The following GALNT7 variants were observed in gnomAD, a reference collection of about 807,000 sequenced individuals.
GALNT7 encodes the protein polypeptide N-acetylgalactosaminyltransferase 7, also known as N-acetylgalactosaminyltransferase 7.
Under a neutral mutation model 82.1 loss-of-function variants are expected in GALNT7, and 60 were observed. The ratio of observed to expected loss-of-function variants is 0.73; its 90% CI spans 0.59 to 0.91. The LOEUF (loss-of-function observed/expected upper bound fraction) is 0.91, where lower values mean the gene tolerates loss of function less well. GALNT7 is among the 40% of genes least tolerant of loss of function. The pLI, the probability that GALNT7 is intolerant of heterozygous loss-of-function variation, is 0.00. For synonymous variants in GALNT7, 243 were observed against 275.1 expected (o/e 0.88, Z 1.15); for missense variants, 660 against 804.2 (o/e 0.82, Z 2.17).
intron 2 of GALNT7, among the ~76,000 whole-genome samples, chr4:173,288,301 A>AAAAAAAAAAAAAAAAAAAAG (rs1289159201): frequency 2.0e-5 from 3 of 148,364 alleles, no homozygotes; most frequent in African/African-American, 7.8e-5. Flanking sequence ...AAAAAAAAAA[A>AAAAAAAAAAAAAAAAAAAAG]AAAAGAAAAG....
intron 2 of GALNT7, among the ~76,000 whole-genome samples, chr4:173,274,508 T>G (rs1735832211): frequency 6.6e-6 from 1 of 152,198 alleles, no homozygotes; most frequent in Non-Finnish European, 1.5e-5. Flanking sequence ...GTCAAAGGAT[T>G]CATTTTTAAA....
At chr4:173,247,043 C>T (rs146294180) in intron 1 of GALNT7, among the ~76,000 whole-genome samples, 1 of 152,062 alleles carries the variant, frequency 6.6e-6, no homozygotes, top group East Asian at 1.9e-4. Context: ...TTTTAAAAAT[C>T]GAAATGCTTA....
At chr4:173,224,746 C>T (rs1019752047) in intron 1 of GALNT7, among the ~76,000 whole-genome samples, 17 of 152,140 alleles carry the variant, frequency 1.1e-4, no homozygotes, top group Middle Eastern at 3.4e-3. Context: ...GGCGCGGTGG[C>T]TCACGCCTGT....
At chr4:173,287,898 T>C (rs530729599) in intron 2 of GALNT7, among the ~76,000 whole-genome samples, 1 of 152,278 alleles carries the variant, frequency 6.6e-6, no homozygotes, top group Non-Finnish European at 1.5e-5. Context: ...AACATTGAAA[T>C]CCCAGAGAAT....
intron 2 of GALNT7, among the ~76,000 whole-genome samples, chr4:173,252,354 A>G (rs1376458524): frequency 6.6e-6 from 1 of 152,168 alleles, no homozygotes; most frequent in African/African-American, 2.4e-5. Flanking sequence ...TCTGTCTGTC[A>G]TAGAAATGAG....
intron 1 of GALNT7, among the ~76,000 whole-genome samples, chr4:173,230,849 T>C (rs1231522880): frequency 2.0e-5 from 3 of 152,210 alleles, no homozygotes; most frequent in Non-Finnish European, 2.9e-5. Flanking sequence ...TATTCTGTGA[T>C]AGTGTAATTA....
intron 2 of GALNT7, among the ~76,000 whole-genome samples, chr4:173,287,529 T>G (rs1736367887): frequency 1.3e-5 from 2 of 152,348 alleles, no homozygotes; most frequent in South Asian, 4.1e-4. Context: ...GAGGCATCCC[T>G]CAGTCTCCTT....
intron 1 of GALNT7, among the ~76,000 whole-genome samples, chr4:173,206,795 A>C (rs546223547): frequency 6.6e-6 from 1 of 152,298 alleles, no homozygotes; most frequent in South Asian, 2.1e-4. Context: ...GAGGGTCCTT[A>C]GTGCCCAGCT....
At chr4:173,206,478 G>A (rs1246224989) in intron 1 of GALNT7, among the ~76,000 whole-genome samples, 2 of 152,140 alleles carry the variant, frequency 1.3e-5, no homozygotes. Context: ...GTCTCAAATT[G>A]TCCCAGATTT....
intron 2 of GALNT7, among the ~76,000 whole-genome samples, chr4:173,276,647 A>C (rs575490941): frequency 1.3e-5 from 2 of 152,190 alleles, no homozygotes; most frequent in Admixed American, 1.3e-4. Context: ...TGAGTCAGTC[A>C]GTATAAATTT....
Position 173,279,961 on chromosome 4 carries a change from G to A in GALNT7, c.588-12147G>A, listed in dbSNP as rs770081978. On this transcript the variant is annotated intron_variant, in intron 2 of 11. Coordinates refer to ENST00000265000, the MANE Select transcript of GALNT7 (RefSeq NM_017423.3). ...CTGCACTCCAGCTGGGTGATAGAGC[G>A]AGACTCTGTCTCAATAAAAAGGAAA... Among the ~76,000 whole-genome samples the A allele has an allele frequency of 5.9e-5, 9 of 151,830 alleles. No homozygotes were observed. The South Asian group carries it at 8.3e-4, about 14-fold the overall frequency.
rs75864657 is a variant in GALNT7 at position 173,260,147 on chromosome 4, C to T, written c.587+11707C>T. 1.8e-3 allele frequency among the ~76,000 whole-genome samples: 275 copies of T among 152,220 alleles called. 2 individuals are homozygous for T. Among genetic ancestry groups the T allele is most frequent in the African/African-American group, 6.1e-3 (254 of 41,548 alleles). On this transcript the variant is annotated intron_variant, in intron 2 of 11. Transcript: ENST00000265000. ...GAATGAATTATACAAAGGTAAAGTA[C>T]GTAACAATACTATGAGTCCTTGCTC... is the stretch of plus-strand genomic sequence containing the variant.
At chr4:173,293,818 G>A (rs1736622628) in intron 3 of GALNT7, among the ~76,000 whole-genome samples, 2 of 152,302 alleles carry the variant, frequency 1.3e-5, no homozygotes, top group South Asian at 2.1e-4. Context: ...GGACCCAGGC[G>A]TGCAGAGCAG....
intron 9 of GALNT7, chr4:173,317,153 C>T (rs1737635122): frequency 6.6e-6 from 1 of 152,274 alleles, no homozygotes; most frequent in Non-Finnish European, 1.5e-5. Flanking sequence ...AGAGAAAAGC[C>T]TCACTGCCTG....
chr4:173,312,440 A>G (rs1737420781), intron 8 of GALNT7, among the ~76,000 whole-genome samples: 1 of 152,220 alleles, frequency 6.6e-6, no homozygotes, highest in African/African-American at 2.4e-5. Flanking sequence ...CAGACTCTTT[A>G]ACAAACTACT....
rs779531673 is a variant in GALNT7 at position 173,168,826 on chromosome 4, C to G, written c.-10C>G. On this transcript the variant is annotated 5_prime_UTR_variant, in exon 1 of 12. Coordinates refer to ENST00000265000, the MANE Select transcript of GALNT7 (RefSeq NM_017423.3). ...GCGCCGGGCTGTGAGTCTCTCGCCG[C>G]CGGAGGAAGATGAGGCTGAAGATTG... 1.2e-6 allele frequency: 2 copies of G among 1,612,082 alleles called. No homozygotes were observed. Among genetic ancestry groups the G allele is most frequent in the South Asian group, 1.1e-5 (1 of 90,914 alleles).
intron 1 of GALNT7, among the ~76,000 whole-genome samples, chr4:173,213,483 A>G (rs917718518): frequency 3.3e-5 from 5 of 152,160 alleles, no homozygotes; most frequent in Non-Finnish European, 5.9e-5. Context: ...TTGTAGAACA[A>G]TTGCCTGGTT....
At chr4:173,318,961 G>A (rs557903955) in intron 11 of GALNT7, among the ~76,000 whole-genome samples, 1 of 152,084 alleles carries the variant, frequency 6.6e-6, no homozygotes, top group East Asian at 1.9e-4. Flanking sequence ...GTTAATATTT[G>A]ATATTGTCCA....
intron 1 of GALNT7, among the ~76,000 whole-genome samples, chr4:173,199,730 A>G (rs1732883158): frequency 6.6e-6 from 1 of 152,156 alleles, no homozygotes; most frequent in African/African-American, 2.4e-5. Context: ...TTGAGGATTT[A>G]TCTCTGGTTG....
Sources: allele counts gnomAD v4.1 joint callset (sites outside exome capture counted in the v4.1 genomes callset), GRCh38; gene constraint gnomAD v4.1.1; transcripts MANE v1.5; gene names NCBI Gene and HGNC (gene_info 2026-07-23, HGNC 2026-07-21).